FSTL4: variants seen among roughly 807,000 people sequenced by gnomAD.
FSTL4 encodes the protein follistatin like 4, also known as follistatin-related protein 4.
In FSTL4, 28 loss-of-function variants were observed where a neutral mutation model predicts 78.2. The observed-to-expected ratio is 0.36, with a 90% CI of 0.27 to 0.49. FSTL4 has a LOEUF of 0.49. FSTL4 is among the 20% of genes least tolerant of loss of function. The probability of loss-of-function intolerance (pLI) is 0.98; values close to 1 mark genes in which losing one functional copy is unlikely to be tolerated. For synonymous variants in FSTL4, 422 were observed against 440.5 expected, an observed-to-expected ratio of 0.96 and a Z score of 0.53; for missense variants, 922 against 1,084.9, an observed-to-expected ratio of 0.85 and a Z score of 2.11.
At chr5:133,571,822 CA>C (rs1760161844) in intron 2 of FSTL4, among the ~76,000 whole-genome samples, 1 of 151,944 alleles carries the variant, frequency 6.6e-6, no homozygotes, top group Non-Finnish European at 1.5e-5. Context: ...GAAGCTAGAT[CA>C]GTAAAAATTA....
At chr5:133,429,522 C>T (rs7730256) in intron 3 of FSTL4, among the ~76,000 whole-genome samples, 79,301 of 151,888 alleles carry the variant, frequency 0.52, 21,732 homozygotes, top group Non-Finnish European at 0.6. Flanking sequence ...AACAGCCAAG[C>T]CAAGAGAAGA....
chr5:133,439,789 G>C (rs1757112167), intron 3 of FSTL4, among the ~76,000 whole-genome samples: 1 of 152,188 alleles, frequency 6.6e-6, no homozygotes, highest in Admixed American at 6.5e-5. Flanking sequence ...CCACACCACT[G>C]GGAAGGCTTT....
At chr5:133,598,157 C>A (rs991181626) in intron 2 of FSTL4, among the ~76,000 whole-genome samples, 2 of 152,080 alleles carry the variant, frequency 1.3e-5, no homozygotes, top group Non-Finnish European at 2.9e-5. Context: ...TGACTGCAGT[C>A]AGCATCATGT....
At chr5:133,533,835 C>T (rs1348727594) in intron 3 of FSTL4, among the ~76,000 whole-genome samples, 1 of 152,102 alleles carries the variant, frequency 6.6e-6, no homozygotes, top group Non-Finnish European at 1.5e-5. Context: ...CATCCTGCCC[C>T]ATCACCCTTT....
At chr5:133,612,868 T>A (rs1339671978), upstream of FSTL4, among the ~76,000 whole-genome samples, 3 of 152,014 alleles carry the variant, frequency 2.0e-5, no homozygotes, top group Non-Finnish European at 2.9e-5. The surrounding 1 kb of genome is among the most constrained non-coding windows in gnomAD (Gnocchi z 6.2). Context: ...GCACAGGGGG[T>A]CTCTGAATCC....
chr5:133,694,464 C>T, the FSTL4 span, among the ~76,000 whole-genome samples: 4 of 152,264 alleles, frequency 2.6e-5, no homozygotes, highest in Admixed American at 1.3e-4. Context: ...AAGCACTTTG[C>T]TAGGTGCTAG....
chr5:133,565,679 G>C (rs1399674884), intron 3 of FSTL4, among the ~76,000 whole-genome samples: 1 of 152,084 alleles, frequency 6.6e-6, no homozygotes, highest in Non-Finnish European at 1.5e-5. Flanking sequence ...CATTCTTCTG[G>C]GAGTTTGAAG....
chr5:133,221,375 C>G (rs1255017622), intron 11 of FSTL4, among the ~76,000 whole-genome samples: 1 of 152,118 alleles, frequency 6.6e-6, no homozygotes, highest in Non-Finnish European at 1.5e-5. Context: ...ACCCCTCTTT[C>G]CAGACAGCTT....
intron 8 of FSTL4, among the ~76,000 whole-genome samples, chr5:133,227,989 G>T (rs796155369): frequency 2.6e-5 from 4 of 152,330 alleles, no homozygotes; most frequent in African/African-American, 9.6e-5. Context: ...CACTTTGGGA[G>T]GCCGAGGTGG....
At chr5:133,562,142 C>T (rs1759927569) in intron 3 of FSTL4, among the ~76,000 whole-genome samples, 1 of 152,176 alleles carries the variant, frequency 6.6e-6, no homozygotes, top group African/African-American at 2.4e-5. Flanking sequence ...GCTCCAGGCA[C>T]TGTCAAATCT....
the FSTL4 span, among the ~76,000 whole-genome samples, chr5:133,776,552 T>G: frequency 1.3e-5 from 2 of 152,214 alleles, no homozygotes; most frequent in Non-Finnish European, 2.9e-5. Context: ...TTGGGTTTTC[T>G]ATCTTTTTTC....
chr5:133,487,519 C>T (rs2112864557), intron 3 of FSTL4, among the ~76,000 whole-genome samples: 1 of 152,290 alleles, frequency 6.6e-6, no homozygotes, highest in South Asian at 2.1e-4. Flanking sequence ...TGAGCTCCTG[C>T]CTCTGAGCCT....
At chr5:133,594,249 G>A (rs1760695393) in intron 2 of FSTL4, among the ~76,000 whole-genome samples, 1 of 152,188 alleles carries the variant, frequency 6.6e-6, no homozygotes, top group Admixed American at 6.5e-5. Flanking sequence ...GGAGTGCAGT[G>A]GTATGATCTT....
At chr5:133,686,160 C>T in the FSTL4 span, among the ~76,000 whole-genome samples, 52,143 of 152,098 alleles carry the variant, frequency 0.34, 9,057 homozygotes, top group South Asian at 0.38. Context: ...ATCCCTCTGG[C>T]CCTTACTGGC....
the FSTL4 span, among the ~76,000 whole-genome samples, chr5:133,650,205 C>T: frequency 1.0e-5 from 1 of 98,596 alleles, no homozygotes; most frequent in African/African-American, 3.6e-5. Flanking sequence ...AAGGATTCAC[C>T]CCCATGACCC....
the FSTL4 span, among the ~76,000 whole-genome samples, chr5:133,676,097 A>C: frequency 2.0e-5 from 3 of 152,226 alleles, no homozygotes; most frequent in Non-Finnish European, 4.4e-5. Flanking sequence ...GCTGGAGTAG[A>C]GGATTTAAGA....
intron 3 of FSTL4, among the ~76,000 whole-genome samples, chr5:133,554,768 A>C (rs990407122): frequency 6.6e-6 from 1 of 152,232 alleles, no homozygotes; most frequent in Admixed American, 6.5e-5. Context: ...TATCTTGTTC[A>C]TTAGAAATTC....
Position 133,220,108 on chromosome 5 carries a change from T to C in FSTL4, c.1458+640A>G, listed in dbSNP as rs564588885. Among the ~76,000 whole-genome samples the C allele has an allele frequency of 1.1e-3, 175 of 152,254 alleles. 1 individual carries two copies. Among genetic ancestry groups the C allele is most frequent in the Non-Finnish European group, 2.0e-3 (137 of 68,040 alleles). ...AGCCCGTAACTATTCACTGAGTGAA[T>C]TGTGCACAGTTATTTCATTCTGTAC... On this transcript the variant is annotated intron_variant, in intron 12 of 15. Coordinates refer to ENST00000265342, the MANE Select transcript of FSTL4 (RefSeq NM_015082.2).
Position 133,603,755 on chromosome 5 carries a change from T to A in FSTL4, c.126+103A>T, listed in dbSNP as rs575954126. 581 of 1,303,920 alleles carry A rather than the reference T, an allele frequency of 4.5e-4. 4 individuals are homozygous for A. The highest frequency in any genetic ancestry group is 4.0e-4 in the Non-Finnish European group (362 of 914,194). 80.8% of individuals were successfully genotyped at this position (1,303,920 alleles called of 1,614,324 possible). The stretch of plus-strand genomic sequence containing the variant: ...AAGGAAGTGCAATTTTAATTCACTT[T>A]GTGATCTAACTGATCTAAACTAAAG... On this transcript the variant is annotated intron_variant, in intron 2 of 15. Coordinates refer to ENST00000265342, the MANE Select transcript of FSTL4 (RefSeq NM_015082.2).
Sources: gnomAD v4.1 joint callset for allele counts (sites outside exome capture counted in the v4.1 genomes callset) on GRCh38, gnomAD v4.1.1 for gene constraint, Gnocchi (gnomAD v3.1) non-coding constraint, MANE v1.5 for transcripts, NCBI Gene and HGNC (gene_info 2026-07-23, HGNC 2026-07-21) for gene names.